ARHGAP40: variants seen among roughly 807,000 people sequenced by gnomAD.
The protein encoded by ARHGAP40 is Rho GTPase activating protein 40.
ARHGAP40 carries 43 observed loss-of-function variants against 73.5 expected under a neutral mutation model. That is an observed-to-expected ratio of 0.58 (90% confidence interval 0.46 to 0.75). ARHGAP40 has a LOEUF of 0.75. Ranked by LOEUF, ARHGAP40 falls within the 30% of genes least tolerant of loss-of-function variation. ARHGAP40 has a pLI of 0.00. For missense variants in ARHGAP40, 734 were observed against 861.8 expected, an observed-to-expected ratio of 0.85 and a Z score of 1.86; for synonymous variants, 300 against 352.8, an observed-to-expected ratio of 0.85 and a Z score of 1.68.
At chr20:38,613,839 C>T (rs755721249) in intron 1 of ARHGAP40, among the ~76,000 whole-genome samples, 2 of 152,158 alleles carry the variant, frequency 1.3e-5, no homozygotes, top group African/African-American at 2.4e-5. Flanking sequence ...ACCCACAGAT[C>T]GGCTCTAGCA....
chr20:38,638,272 G>A lies in ARHGAP40; in HGVS notation c.1041+473G>A, dbSNP rs541995150. ...GGAGCTTGCAGTGAGCCGAGATCGC[G>A]CCACTGCACCCCAGCATGGGCAACA... is the stretch of plus-strand genomic sequence containing the variant. On this transcript the variant is annotated intron_variant, in intron 7 of 14. Transcript: ENST00000373345. 3.5e-4 allele frequency among the ~76,000 whole-genome samples: 53 copies of A among 152,058 alleles called. No individual in the cohort carries two copies. The East Asian group carries it at 9.7e-3, about 28-fold the overall frequency.
At position 38,634,723 on chromosome 20, in the gene ARHGAP40, C is replaced by T. The variant is rs749710569; in HGVS notation, c.887C>T (p.Ala296Val). 22 of 1,304,958 alleles carry T rather than the reference C, an allele frequency of 1.7e-5. No homozygotes were observed. The East Asian group carries it at 2.2e-4, about 13-fold the overall frequency. The allele number at this position is 1,304,958 out of a possible 1,614,324, so 80.8% of individuals were successfully genotyped here. Reference sequence around the variant, plus strand: ...TCTCTGGCCCTCATAGAGCTGACCGCGCTCTGTGACATCCTCGGCTTGGAC... The same window carrying T: ...TCTCTGGCCCTCATAGAGCTGACCGTGCTCTGTGACATCCTCGGCTTGGAC... The change falls in exon 6 of 15, where the codon GCG becomes GTG. Residue 296 changes from alanine (A) to valine (V), a missense_variant. Ala to Val is a moderately conservative substitution (Grantham distance 64, BLOSUM62 0). Transcript: ENST00000373345.
intron 2 of ARHGAP40, among the ~76,000 whole-genome samples, chr20:38,624,625 G>A (rs1390779975): frequency 7.9e-6 from 1 of 126,290 alleles, no homozygotes; most frequent in African/African-American, 3.5e-5. Flanking sequence ...GACCCTAAAA[G>A]CACTTTCCTG....
chr20:38,621,041 G>A (rs2088870856), intron 1 of ARHGAP40, among the ~76,000 whole-genome samples: 1 of 152,162 alleles, frequency 6.6e-6, no homozygotes. Flanking sequence ...CTGTGTGACT[G>A]CACAGGTCGC....
intron 1 of ARHGAP40, among the ~76,000 whole-genome samples, chr20:38,603,706 A>G (rs940963567): frequency 1.3e-5 from 2 of 152,202 alleles, no homozygotes; most frequent in Non-Finnish European, 2.9e-5. Context: ...AATGCTGGAA[A>G]TCCCCAAATC....
At chr20:38,639,450 G>A in intron 9 of ARHGAP40, 64 bp downstream of exon 9, 1 of 1,274,928 alleles carries the variant, frequency 7.8e-7, no homozygotes, top group South Asian at 1.3e-5. Context: ...CCTTGGTGGA[G>A]AGGGGAAGCC....
At position 38,623,034 on chromosome 20, in the gene ARHGAP40, C is replaced by T. The variant is rs542315226; in HGVS notation, c.138-325C>T. Among the ~76,000 whole-genome samples, 6 of 152,300 alleles carry T rather than the reference C, an allele frequency of 3.9e-5. No homozygotes were observed. In the East Asian group the frequency reaches 7.7e-4, roughly 20 times the overall value. On this transcript the variant is annotated intron_variant, in intron 1 of 14. Coordinates refer to ENST00000373345, the Ensembl canonical transcript of ARHGAP40. ...ACGAGACACTGCCCTGTCATTTCCTCGCCTGTCCTGGTGTTTAATCCCCTC... is the reference window on the plus strand; with the variant it reads ...ACGAGACACTGCCCTGTCATTTCCTTGCCTGTCCTGGTGTTTAATCCCCTC...
At chr20:38,616,612 A>G (rs1048516283) in intron 1 of ARHGAP40, among the ~76,000 whole-genome samples, 3 of 152,244 alleles carry the variant, frequency 2.0e-5, no homozygotes, top group African/African-American at 7.2e-5. Flanking sequence ...CAGTTCTGCC[A>G]TTTACTAGTC....
chr20:38,629,500 A>G lies in ARHGAP40; in HGVS notation c.635-2A>G. 7.7e-7 allele frequency: 1 copy of G among 1,305,344 alleles called. No individual in the cohort carries two copies. Among genetic ancestry groups the G allele is most frequent in the South Asian group, 1.2e-5 (1 of 81,032 alleles). The allele number at this position is 1,305,344 out of a possible 1,614,324, so 80.9% of individuals were successfully genotyped here. On this transcript the variant is annotated splice_acceptor_variant, in intron 4 of 14. Transcript: ENST00000373345. LOFTEE classifies it high-confidence loss of function. Reference sequence around the variant, plus strand: ...CTCTGCTTTGTTTCCCCCGCCCCGCAGCAGCAGAGCCTGGGGGGCTGCAGG... The same window carrying G: ...CTCTGCTTTGTTTCCCCCGCCCCGCGGCAGCAGAGCCTGGGGGGCTGCAGG...
chr20:38,615,288 G>C, intron 1 of ARHGAP40: 1 of 773,240 alleles, frequency 1.3e-6, no homozygotes. Context: ...ATCCACTCCG[G>C]AGGGAGCAGT....
chr20:38,610,155 G>A (rs2088795935), intron 1 of ARHGAP40, among the ~76,000 whole-genome samples: 1 of 152,066 alleles, frequency 6.6e-6, no homozygotes, highest in South Asian at 2.1e-4. Flanking sequence ...AAAATTATTT[G>A]GTAAATGTTA....
rs577539609 is a variant in ARHGAP40, at chr20:38,607,403, G to A, written c.137+5324G>A. Among the ~76,000 whole-genome samples, 21 of 152,268 alleles carry A rather than the reference G, an allele frequency of 1.4e-4. No homozygotes were observed. The South Asian group carries it at 2.7e-3, about 20-fold the overall frequency. On this transcript the variant is annotated intron_variant, in intron 1 of 14. Transcript: ENST00000373345. ...CCGCAGCTCAGGGGACCAGGCTGCC[G>A]CTGGGGGCTTCTGACCAGCTTTGCA...
rs1394247321 is a variant in ARHGAP40 at position 38,646,626 on chromosome 20, G to C, written c.1711-331G>C. 1.3e-5 allele frequency among the ~76,000 whole-genome samples: 2 copies of C among 152,178 alleles called. No individual in the cohort carries two copies. Among genetic ancestry groups the C allele is most frequent in the Admixed American group, 6.5e-5 (1 of 15,286 alleles). On this transcript the variant is annotated intron_variant, in intron 12 of 14. Coordinates refer to ENST00000373345, the Ensembl canonical transcript of ARHGAP40. The surrounding 1 kb of genome is among the most constrained non-coding windows in gnomAD (Gnocchi z 4.5). Reference sequence around the variant, plus strand: ...GATTAGAGAAATTGATGAGCGTTGAGGCTGCACCGTGCACGATGTGTGGGT... The same window carrying C: ...GATTAGAGAAATTGATGAGCGTTGACGCTGCACCGTGCACGATGTGTGGGT...
At chr20:38,630,068 CTT>C (rs2088927964) in intron 5 of ARHGAP40, among the ~76,000 whole-genome samples, 1 of 81,474 alleles carries the variant, frequency 1.2e-5, no homozygotes, top group African/African-American at 3.3e-5. Flanking sequence ...TTTTTTCTTT[CTT>C]TCTTTCTTTC....
intron 9 of ARHGAP40, among the ~76,000 whole-genome samples, chr20:38,641,499 G>C (rs1187254154): frequency 4.6e-5 from 7 of 152,196 alleles, no homozygotes; most frequent in Admixed American, 3.9e-4. Flanking sequence ...ATGCATGCGT[G>C]TGTTTATTTT....
chr20:38,609,158 G>A (rs2088790611), intron 1 of ARHGAP40, among the ~76,000 whole-genome samples: 2 of 152,154 alleles, frequency 1.3e-5, no homozygotes, highest in Admixed American at 6.5e-5. Context: ...GGTAGTGGGG[G>A]GGTTATTCTG....
chr20:38,601,909 C>T, exon 1 of ARHGAP40: 1 of 1,287,314 alleles, frequency 7.8e-7, no homozygotes, highest in Non-Finnish European at 1.0e-6. Flanking sequence ...GGCGGCAGCA[C>T]CACGACCGAC....
intron 1 of ARHGAP40, chr20:38,615,260 T>C: frequency 1.3e-6 from 1 of 769,560 alleles, no homozygotes; most frequent in East Asian, 2.4e-5. Context: ...CCTCATCTTC[T>C]CCAACTTTTC....
exon 15 of ARHGAP40, chr20:38,649,805 C>G (rs1285453427): frequency 3.1e-6 from 4 of 1,305,300 alleles, no homozygotes; most frequent in Non-Finnish European, 4.0e-6. Flanking sequence ...CTGTACCGTG[C>G]CAACCCGCAT....
Sources: allele counts gnomAD v4.1 joint callset (sites outside exome capture counted in the v4.1 genomes callset), GRCh38; gene constraint gnomAD v4.1.1; non-coding constraint Gnocchi (gnomAD v3.1); transcripts MANE v1.5; gene names NCBI Gene and HGNC (gene_info 2026-07-23, HGNC 2026-07-21).